Variants in PCNX2 observed in about 807,000 individuals in gnomAD.
PCNX2 encodes the protein pecanex 2, also known as pecanex-like protein 2.
Under a neutral mutation model 223.8 loss-of-function variants are expected in PCNX2, and 168 were observed. The observed-to-expected ratio is 0.75, with a 90% CI of 0.66 to 0.85. The LOEUF is 0.85. PCNX2 is among the 40% of genes least tolerant of loss of function. The pLI, the probability that PCNX2 is intolerant of heterozygous loss-of-function variation, is 0.00. For missense variants in PCNX2, 2,507 were observed against 2,675.5 expected (o/e 0.94, Z 1.39); for synonymous variants, 1,006 against 1,052.6 (o/e 0.96, Z 0.86).
intron 21 of PCNX2, among the ~76,000 whole-genome samples, chr1:233,102,972 T>A (rs1674572625): frequency 2.7e-5 from 1 of 37,000 alleles, no homozygotes; most frequent in Non-Finnish European, 5.0e-5. Flanking sequence ...TCCCCAGTGT[T>A]TTCTTCTAGT....
intron 1 of PCNX2, among the ~76,000 whole-genome samples, chr1:233,288,308 A>G (rs1472089707): frequency 6.6e-6 from 1 of 152,186 alleles, no homozygotes; most frequent in African/African-American, 2.4e-5. Flanking sequence ...TGGGAAAAAT[A>G]CCATGTATCT....
At chr1:233,236,789 T>C in intron 9 of PCNX2, 56 bp downstream of exon 9, 1 of 1,589,970 alleles carries the variant, frequency 6.3e-7, no homozygotes, top group Non-Finnish European at 8.6e-7. Flanking sequence ...GGAAAAAGGT[T>C]TTAAGATCCC....
chr1:233,014,537 G>A, intron 28 of PCNX2, 128 bp downstream of exon 28: 1 of 690,810 alleles, frequency 1.4e-6, no homozygotes, highest in Non-Finnish European at 2.5e-6. Flanking sequence ...AATTTATTAT[G>A]AAAAGAACTA....
upstream of PCNX2, among the ~76,000 whole-genome samples, chr1:233,300,120 C>G (rs981427724): frequency 2.0e-5 from 3 of 152,222 alleles, no homozygotes; most frequent in Non-Finnish European, 2.9e-5. Flanking sequence ...TGCACATAAT[C>G]TGGTGGGATT....
chr1:233,230,157 C>G (rs1657977203), intron 9 of PCNX2, among the ~76,000 whole-genome samples: 1 of 152,102 alleles, frequency 6.6e-6, no homozygotes, highest in African/African-American at 2.4e-5. Flanking sequence ...GGCAAGCAAA[C>G]CAGTCATGAT....
At chr1:232,987,321 C>T (rs1308383693) in intron 32 of PCNX2, among the ~76,000 whole-genome samples, 1 of 152,250 alleles carries the variant, frequency 6.6e-6, no homozygotes, top group Non-Finnish European at 1.5e-5. Flanking sequence ...ATGGGGTCTT[C>T]TGTGCGTGAT....
At chr1:233,262,605 CAACA>C (rs1447471445) in intron 2 of PCNX2, among the ~76,000 whole-genome samples, 6 of 152,128 alleles carry the variant, frequency 3.9e-5, no homozygotes, top group African/African-American at 1.4e-4. Flanking sequence ...ACTTTTATAT[CAACA>C]AACACAAATG....
At chr1:233,120,317 T>C (rs1365491837) in intron 21 of PCNX2, among the ~76,000 whole-genome samples, 1 of 151,360 alleles carries the variant, frequency 6.6e-6, no homozygotes, top group Admixed American at 6.6e-5. Flanking sequence ...AAAGAATATA[T>C]ACAAATGGAG....
At chr1:233,072,092 T>C (rs942568105) in intron 23 of PCNX2, among the ~76,000 whole-genome samples, 17 of 152,218 alleles carry the variant, frequency 1.1e-4, no homozygotes, top group African/African-American at 3.9e-4. Flanking sequence ...ATTCTGTAGG[T>C]TGTCTGTTTA....
Position 233,262,180 on chromosome 1 carries a change from G to A in PCNX2, c.360-15C>T, listed in dbSNP as rs963646029. The A allele has an allele frequency of 3.1e-6, 5 of 1,613,178 alleles. No homozygotes were observed. The African/African-American group carries it at 6.7e-5, about 22-fold the overall frequency. On this transcript the variant is annotated splice_polypyrimidine_tract_variant and intron_variant, in intron 2 of 33. Coordinates refer to ENST00000258229, the MANE Select transcript of PCNX2 (RefSeq NM_014801.4). ...GCCTATTATTGCTAACCCAACATGAGAAACACAAGAGCAGTGAGCGATATT... is the reference window on the plus strand; with the variant it reads ...GCCTATTATTGCTAACCCAACATGAAAAACACAAGAGCAGTGAGCGATATT...
intron 1 of PCNX2, among the ~76,000 whole-genome samples, chr1:233,273,397 T>TG (rs1237980416): frequency 6.6e-6 from 1 of 152,038 alleles, no homozygotes; most frequent in African/African-American, 2.4e-5. Context: ...GGGATCCCTG[T>TG]GCAAGCTCCA....
intron 25 of PCNX2, chr1:233,032,873 G>T: frequency 1.6e-6 from 1 of 625,408 alleles, no homozygotes; most frequent in Non-Finnish European, 2.0e-6. Flanking sequence ...GTGAGTCTTG[G>T]GTAATCTGCT....
chr1:233,035,286 G>A (rs958284958), intron 25 of PCNX2, among the ~76,000 whole-genome samples: 1 of 152,094 alleles, frequency 6.6e-6, no homozygotes, highest in African/African-American at 2.4e-5. Flanking sequence ...AGTACTTTGA[G>A]AAACAAACCG....
chr1:233,322,467 T>G, the PCNX2 span, among the ~76,000 whole-genome samples: 2 of 152,078 alleles, frequency 1.3e-5, no homozygotes, highest in Admixed American at 1.3e-4. Flanking sequence ...AGTTTCCTGC[T>G]CAGAGGTACC....
chr1:233,202,124 G>A (rs1156912361), intron 13 of PCNX2: 3 of 457,778 alleles, frequency 6.6e-6, no homozygotes, highest in Non-Finnish European at 1.4e-5. Flanking sequence ...GAACGTGAAG[G>A]AAAAAGCAGC....
intron 25 of PCNX2, chr1:233,033,255 A>C: frequency 1.1e-6 from 1 of 933,132 alleles, no homozygotes. Flanking sequence ...ACCTAATTTC[A>C]AGAAGGAATA....
rs1421811275 is a variant in PCNX2 at position 233,054,446 on chromosome 1, T to C, written c.4173A>G (p.Glu1391=). 1 of 1,613,752 alleles carries C rather than the reference T, an allele frequency of 6.2e-7. No homozygotes were observed. Among genetic ancestry groups the C allele is most frequent in the South Asian group, 1.1e-5 (1 of 91,042 alleles). Residue 1391 remains glutamate, a synonymous_variant, in exon 25 of 34, where the codon GAA becomes GAG. Coordinates refer to ENST00000258229, the MANE Select transcript of PCNX2 (RefSeq NM_014801.4). ...ACTCCTGGAGGGTCCTTGTCAAGTG[T>C]TCATAAAAAATGGAATTGAGATTGT... ...DDNNLNSIFY[E]HLTRTLQESL...
At chr1:233,201,019 C>A (rs1360545672) in intron 13 of PCNX2, among the ~76,000 whole-genome samples, 1 of 133,024 alleles carries the variant, frequency 7.5e-6, no homozygotes, top group Non-Finnish European at 1.6e-5. Flanking sequence ...GAGCAAGACT[C>A]CGTCTCAAAA....
chr1:233,014,469 C>T (rs1395658715), intron 28 of PCNX2, among the ~76,000 whole-genome samples, 196 bp downstream of exon 28: 1 of 152,046 alleles, frequency 6.6e-6, no homozygotes, highest in African/African-American at 2.4e-5. Context: ...ATGATATTTC[C>T]AAATTGAATA....
Sources: allele counts gnomAD v4.1 joint callset (sites outside exome capture counted in the v4.1 genomes callset), GRCh38; gene constraint gnomAD v4.1.1; transcripts MANE v1.5; gene names NCBI Gene and HGNC (gene_info 2026-07-23, HGNC 2026-07-21).